The following NPSR1 variants were observed in gnomAD, a reference collection of about 807,000 sequenced individuals.
NPSR1 encodes the protein neuropeptide S receptor.
In NPSR1, 48 loss-of-function variants were observed where a neutral mutation model predicts 46.9. The observed-to-expected ratio is 1.02, with a 90% CI of 0.81 to 1.30. NPSR1 has a LOEUF of 1.30. NPSR1 is among the 50% of genes most tolerant of loss of function. NPSR1 has a pLI of 0.00. For missense variants in NPSR1, 450 were observed against 449.5 expected (o/e 1.00, Z -0.01); for synonymous variants, 176 against 168.1 (o/e 1.05, Z -0.36).
intron 2 of NPSR1, among the ~76,000 whole-genome samples, chr7:34,736,262 A>G (rs1784659248): frequency 6.6e-6 from 1 of 152,152 alleles, no homozygotes; most frequent in African/African-American, 2.4e-5. Flanking sequence ...TCTTCATATA[A>G]TAATACAATA....
intron 2 of NPSR1, among the ~76,000 whole-genome samples, chr7:34,716,159 C>T (rs943802927): frequency 5.3e-5 from 8 of 152,088 alleles, no homozygotes; most frequent in African/African-American, 1.9e-4. Flanking sequence ...GAAAACACAC[C>T]TGAGATGAAA....
At chr7:34,837,754 T>C (rs1425772924) in intron 6 of NPSR1, among the ~76,000 whole-genome samples, 1 of 152,160 alleles carries the variant, frequency 6.6e-6, no homozygotes, top group African/African-American at 2.4e-5. Context: ...AGACAAGACT[T>C]TTTAAAAATT....
chr7:34,717,325 T>C (rs1052668392), intron 2 of NPSR1, among the ~76,000 whole-genome samples: 19 of 152,218 alleles, frequency 1.2e-4, no homozygotes, highest in African/African-American at 4.3e-4. Flanking sequence ...AGAGACAGGG[T>C]TTCTCCATGT....
chr7:34,783,854 G>A (rs1787342041), intron 3 of NPSR1, among the ~76,000 whole-genome samples: 1 of 151,916 alleles, frequency 6.6e-6, no homozygotes, highest in Non-Finnish European at 1.5e-5. Context: ...GAGACTAGAA[G>A]AACATATGTA....
chr7:34,843,033 G>A (rs1450313781), intron 6 of NPSR1, among the ~76,000 whole-genome samples: 5 of 152,008 alleles, frequency 3.3e-5, no homozygotes, highest in African/African-American at 7.2e-5. Flanking sequence ...GCTGCACCCC[G>A]CCTTTGTCTT....
chr7:34,755,568 G>A (rs1353622111), intron 2 of NPSR1, among the ~76,000 whole-genome samples: 3 of 152,076 alleles, frequency 2.0e-5, no homozygotes, highest in Admixed American at 2.0e-4. Context: ...CACTAGTGGT[G>A]GGCATTTGGG....
At chr7:34,743,481 C>A (rs1403051946) in intron 2 of NPSR1, among the ~76,000 whole-genome samples, 8 of 151,666 alleles carry the variant, frequency 5.3e-5, no homozygotes, top group South Asian at 2.1e-4. Flanking sequence ...CACTCTGTCA[C>A]CCAGGCTGGC....
At chr7:34,676,288 T>A (rs1259158528) in intron 1 of NPSR1, among the ~76,000 whole-genome samples, 2 of 152,126 alleles carry the variant, frequency 1.3e-5, no homozygotes, top group Non-Finnish European at 2.9e-5. Context: ...CTGAGATAGG[T>A]TTTGTCTTCA....
intron 3 of NPSR1, among the ~76,000 whole-genome samples, chr7:34,792,723 A>ATATGTATATATATATATT (rs1787986173): frequency 2.2e-4 from 29 of 130,358 alleles, no homozygotes; most frequent in East Asian, 4.3e-4. Context: ...ATTTATATAT[A>ATATGTATATATATATATT]TATATATATA....
intron 8 of NPSR1, among the ~76,000 whole-genome samples, chr7:34,858,245 A>G (rs1184832732): frequency 6.6e-6 from 1 of 151,796 alleles, no homozygotes; most frequent in East Asian, 1.9e-4. Context: ...AAATATTTGT[A>G]ATAGCACTAA....
At chr7:34,659,990 C>A in intron 1 of NPSR1, 2 of 419,874 alleles carry the variant, frequency 4.8e-6, no homozygotes, top group Admixed American at 2.5e-5. Flanking sequence ...TATTCTGAGA[C>A]TCTGGCAAGA....
intron 1 of NPSR1, among the ~76,000 whole-genome samples, chr7:34,679,124 G>C (rs1431761388): frequency 6.9e-6 from 1 of 144,036 alleles, no homozygotes; most frequent in East Asian, 2.0e-4. Context: ...CGATAAAAGA[G>C]AATAACTGTT....
chr7:34,849,396 G>A (rs1584141548), intron 8 of NPSR1, 169 bp from the exon 9 acceptor site: 1 of 1,554,942 alleles, frequency 6.4e-7, no homozygotes, highest in Non-Finnish European at 8.7e-7. Flanking sequence ...CAGTGAGAAG[G>A]AGAGCTGTGA....
chr7:34,760,574 A>T (rs191731247), intron 2 of NPSR1, among the ~76,000 whole-genome samples: 143 of 152,316 alleles, frequency 9.4e-4, no homozygotes, highest in Non-Finnish European at 1.5e-3. Flanking sequence ...GAAAAATAAG[A>T]AATGAAATAG....
At chr7:34,804,458 A>G (rs1310254092) in intron 3 of NPSR1, among the ~76,000 whole-genome samples, 1 of 152,128 alleles carries the variant, frequency 6.6e-6, no homozygotes. Flanking sequence ...CAGGAAAAGC[A>G]TTTAACAAAA....
Position 34,658,571 on chromosome 7 carries a change from G to A in NPSR1, c.147+12G>A. 1.2e-6 allele frequency: 2 copies of A among 1,612,710 alleles called. No homozygotes were observed. Among genetic ancestry groups the A allele is most frequent in the Non-Finnish European group, 1.7e-6 (2 of 1,178,878 alleles). On this transcript the variant is annotated intron_variant, in intron 1 of 8. Coordinates refer to ENST00000360581, the MANE Select transcript of NPSR1 (RefSeq NM_207172.2). ...ACTACTCCTTTAAGGTAAGTTTCTT[G>A]CCTGCGACTCTGAACACTGACTTAT...
intron 6 of NPSR1, among the ~76,000 whole-genome samples, chr7:34,839,676 A>C (rs1047978443): frequency 4.6e-5 from 7 of 152,212 alleles, no homozygotes; most frequent in Non-Finnish European, 1.0e-4. Flanking sequence ...GTTGGCAATA[A>C]AGACCAGAGG....
At chr7:34,758,150 T>G (rs1029592853) in intron 2 of NPSR1, 1 of 152,654 alleles carries the variant, frequency 6.6e-6, no homozygotes, top group Non-Finnish European at 1.5e-5. Context: ...GTTATGGTGA[T>G]GATTAAATTA....
At chr7:34,690,840 G>C (rs578068233) in intron 2 of NPSR1, among the ~76,000 whole-genome samples, 2 of 152,210 alleles carry the variant, frequency 1.3e-5, no homozygotes, top group Non-Finnish European at 2.9e-5. Context: ...TTGGTTTTGG[G>C]AGAGATTTAG....
Sources: gnomAD v4.1 joint callset for allele counts (sites outside exome capture counted in the v4.1 genomes callset) on GRCh38, gnomAD v4.1.1 for gene constraint, MANE v1.5 for transcripts, NCBI Gene and HGNC (gene_info 2026-07-23, HGNC 2026-07-21) for gene names.